ASPRV1: variants seen among roughly 807,000 people sequenced by gnomAD.
ASPRV1 encodes the protein retroviral-like aspartic protease 1.
ASPRV1 carries 7 observed loss-of-function variants against 11.0 expected under a neutral mutation model. The ratio of observed to expected loss-of-function variants is 0.64; its 90% CI spans 0.36 to 1.20. The LOEUF is 1.20. Ranked by LOEUF, ASPRV1 falls within the 50% of genes most tolerant of loss-of-function variation. ASPRV1 has a pLI of 0.02. For synonymous variants in ASPRV1, 136 were observed against 138.4 expected, an observed-to-expected ratio of 0.98 and a Z score of 0.12; for missense variants, 299 against 320.0, an observed-to-expected ratio of 0.93 and a Z score of 0.50.
chr2:70,057,754 T>C, the ASPRV1 span, among the ~76,000 whole-genome samples: 3 of 151,692 alleles, frequency 2.0e-5, no homozygotes, highest in Non-Finnish European at 4.4e-5. Flanking sequence ...GCTGGGATTA[T>C]AGGCATGAGC....
chr2:70,055,042 C>T, the ASPRV1 span, among the ~76,000 whole-genome samples: 1 of 152,182 alleles, frequency 6.6e-6, no homozygotes, highest in African/African-American at 2.4e-5. Context: ...GTGGCTCACG[C>T]CTATAATCCC....
chr2:70,085,938 TAAAC>T, the ASPRV1 span: 1 of 152,240 alleles, frequency 6.6e-6, no homozygotes, highest in Non-Finnish European at 1.5e-5. Flanking sequence ...TTCCTTAAAT[TAAAC>T]AGAGGTTTCT....
the ASPRV1 span, among the ~76,000 whole-genome samples, chr2:69,984,610 C>CTTTTTT: frequency 1.8e-4 from 12 of 65,356 alleles, 1 homozygote; most frequent in African/African-American, 6.0e-4. Context: ...TCAGGTCCAG[C>CTTTTTT]TTTTTTTTTT....
At chr2:69,986,939 C>T in the ASPRV1 span, among the ~76,000 whole-genome samples, 111 of 152,334 alleles carry the variant, frequency 7.3e-4, no homozygotes, top group African/African-American at 2.5e-3. Flanking sequence ...CTGTCCACCC[C>T]AGCCTTGCCT....
At chr2:69,990,574 C>T in the ASPRV1 span, among the ~76,000 whole-genome samples, 5 of 152,104 alleles carry the variant, frequency 3.3e-5, no homozygotes, top group South Asian at 6.2e-4. Flanking sequence ...ACATCTAGGG[C>T]TCATGTGATC....
At chr2:70,007,065 CA>C in the ASPRV1 span, among the ~76,000 whole-genome samples, 2 of 152,198 alleles carry the variant, frequency 1.3e-5, no homozygotes, top group Non-Finnish European at 2.9e-5. Context: ...TGGGCTGCTA[CA>C]AAGATTATGT....
At chr2:69,988,771 TATAACGAAGAGTAGTGTTA>T in the ASPRV1 span, 1 of 456,610 alleles carries the variant, frequency 2.2e-6, no homozygotes, top group Non-Finnish European at 4.4e-6. Context: ...GACGAGAGCT[TATAACGAAGAGTAGTGTTA>T]ACTCTGCCAC....
chr2:70,071,504 G>C, the ASPRV1 span: 1 of 152,248 alleles, frequency 6.6e-6, no homozygotes, highest in Non-Finnish European at 1.5e-5. Flanking sequence ...CACTTTGGGA[G>C]GCTGAGGTGG....
chr2:70,035,879 T>C, the ASPRV1 span, among the ~76,000 whole-genome samples: 1 of 151,760 alleles, frequency 6.6e-6, no homozygotes, highest in African/African-American at 2.4e-5. Flanking sequence ...AATTTTTTTT[T>C]TTATTTAACT....
rs749880547 is a variant in ASPRV1 at position 69,961,474 on chromosome 2, G to T, written c.-38C>A. 1.2e-6 allele frequency: 2 copies of T among 1,613,930 alleles called. No individual in the cohort carries two copies. The highest frequency in any genetic ancestry group is 1.7e-6 in the Non-Finnish European group (2 of 1,180,032). On this transcript the variant is annotated 5_prime_UTR_variant, in exon 1 of 1. Transcript: ENST00000320256. ...CTCTGGAACCTCAGCAGCAACCCAC[G>T]CCAAGAAGAGAAACCCACAGAGCAG...
chr2:70,065,273 C>G, the ASPRV1 span, among the ~76,000 whole-genome samples: 1 of 151,214 alleles, frequency 6.6e-6, no homozygotes, highest in Non-Finnish European at 1.5e-5. Flanking sequence ...CGCCTGTAGT[C>G]CCAGCTACTC....
chr2:69,969,499 C>T, the ASPRV1 span, among the ~76,000 whole-genome samples: 3 of 152,178 alleles, frequency 2.0e-5, no homozygotes, highest in East Asian at 1.9e-4. Flanking sequence ...TCTGCCACTA[C>T]GACCACTCCC....
At chr2:69,947,319 G>T in the ASPRV1 span, among the ~76,000 whole-genome samples, 1 of 152,180 alleles carries the variant, frequency 6.6e-6, no homozygotes, top group Non-Finnish European at 1.5e-5. Context: ...TTAGGGAAAA[G>T]TATTCTTTTG....
At chr2:70,075,702 C>T in the ASPRV1 span, among the ~76,000 whole-genome samples, 6 of 151,852 alleles carry the variant, frequency 4.0e-5, no homozygotes, top group Admixed American at 6.6e-5. Flanking sequence ...CAAAATTAGC[C>T]GGGCTTGGTG....
chr2:70,051,904 G>A, the ASPRV1 span, among the ~76,000 whole-genome samples: 1 of 152,006 alleles, frequency 6.6e-6, no homozygotes, highest in Non-Finnish European at 1.5e-5. Context: ...AAGCCCAGGA[G>A]GTAAAGTTTG....
At chr2:69,948,572 T>A in the ASPRV1 span, among the ~76,000 whole-genome samples, 4 of 152,162 alleles carry the variant, frequency 2.6e-5, no homozygotes. Context: ...CAGTGGAGGC[T>A]CCGGGCTGGC....
the ASPRV1 span, among the ~76,000 whole-genome samples, chr2:70,068,934 A>G: frequency 7.0e-6 from 1 of 143,668 alleles, no homozygotes; most frequent in Non-Finnish European, 1.5e-5. Context: ...AACAAGAGCA[A>G]AACTCTTGTC....
At chr2:70,073,104 C>G in the ASPRV1 span, 1 of 152,138 alleles carries the variant, frequency 6.6e-6, no homozygotes, top group African/African-American at 2.4e-5. Context: ...CCAATGAGAG[C>G]TTTTCAACAA....
At chr2:69,984,673 T>G in the ASPRV1 span, among the ~76,000 whole-genome samples, 2 of 123,230 alleles carry the variant, frequency 1.6e-5, no homozygotes, top group African/African-American at 6.3e-5. Context: ...CAGGCTGGAG[T>G]GCAATATTGC....
Sources: gnomAD v4.1 joint callset for allele counts (sites outside exome capture counted in the v4.1 genomes callset) on GRCh38, gnomAD v4.1.1 for gene constraint, MANE v1.5 for transcripts, NCBI Gene and HGNC (gene_info 2026-07-23, HGNC 2026-07-21) for gene names.